Variants in CCDC102B observed in about 807,000 individuals in gnomAD.
CCDC102B encodes coiled-coil domain-containing protein 102B.
In CCDC102B, 75 loss-of-function variants were observed where a neutral mutation model predicts 57.4. The observed-to-expected ratio is 1.31, with a 90% CI of 1.08 to 1.58. The LOEUF is 1.58. Among genes scored for constraint, CCDC102B ranks in the 40% most tolerant of loss-of-function variants. The pLI is 0.00. For synonymous variants in CCDC102B, 206 were observed against 201.9 expected (o/e 1.02, Z -0.17); for missense variants, 636 against 582.6 (o/e 1.09, Z -0.94).
intron 7 of CCDC102B, among the ~76,000 whole-genome samples, chr18:69,038,973 C>T (rs986047614): frequency 6.6e-6 from 1 of 151,898 alleles, no homozygotes; most frequent in Non-Finnish European, 1.5e-5. Context: ...TTCCTTTCAT[C>T]AGTTGCTCTT....
intron 6 of CCDC102B, among the ~76,000 whole-genome samples, chr18:68,968,848 C>T (rs2050227280): frequency 6.6e-6 from 1 of 152,094 alleles, no homozygotes; most frequent in Non-Finnish European, 1.5e-5. Context: ...GAGGTCCATA[C>T]ATGTTCTCCC....
intron 6 of CCDC102B, among the ~76,000 whole-genome samples, chr18:68,972,879 A>G (rs2050337669): frequency 6.6e-6 from 1 of 152,156 alleles, no homozygotes; most frequent in African/African-American, 2.4e-5. Flanking sequence ...TTTAAAGGTT[A>G]TAGATGACTT....
chr18:68,746,499 A>G (rs1284466607), intron 2 of CCDC102B, among the ~76,000 whole-genome samples: 3 of 152,122 alleles, frequency 2.0e-5, no homozygotes. Flanking sequence ...AAAATGACAA[A>G]GTCCCTAGTT....
chr18:68,875,240 A>T (rs1392988649), intron 5 of CCDC102B, among the ~76,000 whole-genome samples: 1 of 152,166 alleles, frequency 6.6e-6, no homozygotes, highest in Non-Finnish European at 1.5e-5. Flanking sequence ...TACACCAAGT[A>T]GTGAAAACAC....
At chr18:68,922,402 T>C (rs943283082) in intron 6 of CCDC102B, among the ~76,000 whole-genome samples, 52 of 152,170 alleles carry the variant, frequency 3.4e-4, no homozygotes, top group African/African-American at 1.2e-3. Flanking sequence ...TGTTGATTTG[T>C]TTAGGCCTCA....
intron 2 of CCDC102B, among the ~76,000 whole-genome samples, chr18:68,771,659 TG>T (rs1311738286): frequency 6.6e-6 from 1 of 152,204 alleles, no homozygotes; most frequent in Admixed American, 6.5e-5. Context: ...CTTGAAATTG[TG>T]CAGACATGTG....
At chr18:68,975,176 C>T (rs993703811) in intron 6 of CCDC102B, among the ~76,000 whole-genome samples, 4 of 151,956 alleles carry the variant, frequency 2.6e-5, no homozygotes, top group Admixed American at 2.6e-4. Flanking sequence ...CCAGCTCTGT[C>T]TATACTTACA....
intron 6 of CCDC102B, among the ~76,000 whole-genome samples, chr18:68,906,291 A>G (rs1206240633): frequency 6.6e-6 from 1 of 152,126 alleles, no homozygotes; most frequent in African/African-American, 2.4e-5. Context: ...TCATGCATGC[A>G]CATGTATTAT....
chr18:68,929,829 TAC>T (rs139334882), intron 6 of CCDC102B, among the ~76,000 whole-genome samples: 3 of 151,008 alleles, frequency 2.0e-5, no homozygotes, highest in East Asian at 3.9e-4. Context: ...ATGTATATAA[TAC>T]ACACACACAC....
chr18:68,748,533 T>G (rs939176401), intron 2 of CCDC102B, among the ~76,000 whole-genome samples: 2 of 152,156 alleles, frequency 1.3e-5, no homozygotes, highest in African/African-American at 4.8e-5. Context: ...TTCAATTCTT[T>G]CATCAGCAGT....
At chr18:68,735,682 G>C (rs2033093883) in intron 2 of CCDC102B, among the ~76,000 whole-genome samples, 2 of 152,138 alleles carry the variant, frequency 1.3e-5, no homozygotes, top group Admixed American at 1.3e-4. Context: ...TGAACTGCTT[G>C]CACTTCTTAC....
chr18:68,734,314 G>C (rs2033029298), intron 2 of CCDC102B, among the ~76,000 whole-genome samples: 1 of 152,084 alleles, frequency 6.6e-6, no homozygotes, highest in African/African-American at 2.4e-5. Context: ...CTGTCTGTAA[G>C]TTTTTTTTAT....
At chr18:68,887,484 G>T (rs1321179131) in intron 5 of CCDC102B, among the ~76,000 whole-genome samples, 1 of 152,190 alleles carries the variant, frequency 6.6e-6, no homozygotes, top group African/African-American at 2.4e-5. Flanking sequence ...CAGTAAAAAG[G>T]TCAGGTGAGC....
chr18:68,968,614 CAA>C (rs2050220755), intron 6 of CCDC102B, among the ~76,000 whole-genome samples: 1 of 152,096 alleles, frequency 6.6e-6, no homozygotes, highest in South Asian at 2.1e-4. Flanking sequence ...TAATTATTAA[CAA>C]GAGGCATTAT....
chr18:68,967,500 A>G (rs766367185), intron 6 of CCDC102B, among the ~76,000 whole-genome samples: 2 of 152,198 alleles, frequency 1.3e-5, no homozygotes, highest in Non-Finnish European at 2.9e-5. Flanking sequence ...GAACGAAGAA[A>G]CAAGTTGAAG....
Position 69,010,967 on chromosome 18 carries a change from C to A in CCDC102B, c.1297C>A (p.Leu433Ile). The change falls in exon 7 of 8, where the codon CTA becomes ATA. Residue 433 changes from leucine to isoleucine, a missense_variant. By Grantham distance (5) the Leu-to-Ile change is conservative (BLOSUM62 2). Coordinates refer to ENST00000360242, the MANE Select transcript of CCDC102B (RefSeq NM_024781.3). Reference protein sequence around the residue: ...LLNLQHAYYKLNRQYQANIAE... With the variant: ...LLNLQHAYYKINRQYQANIAE... ...GAACCTTCAACATGCCTACTATAAA[C>A]TAAACAGACAATACCAGGCAAATAT... 1 of 1,610,084 alleles carries A rather than the reference C, an allele frequency of 6.2e-7. No individual in the cohort carries two copies.
chr18:69,024,706 A>G (rs1194975517), intron 7 of CCDC102B, among the ~76,000 whole-genome samples: 1 of 151,992 alleles, frequency 6.6e-6, no homozygotes, highest in African/African-American at 2.4e-5. Flanking sequence ...GTTCTTTAAA[A>G]ATATATACAA....
At chr18:68,826,797 T>G (rs1159790866) in intron 1 of CCDC102B, among the ~76,000 whole-genome samples, 5 of 152,172 alleles carry the variant, frequency 3.3e-5, no homozygotes, top group Non-Finnish European at 7.4e-5. Context: ...TAATCTCTCT[T>G]TTTATTGGCA....
chr18:69,004,380 T>C (rs1219357469), intron 6 of CCDC102B, among the ~76,000 whole-genome samples: 1 of 152,204 alleles, frequency 6.6e-6, no homozygotes, highest in Non-Finnish European at 1.5e-5. Context: ...CCTTTGGACC[T>C]GTCCCAAGTT....
Sources: allele counts gnomAD v4.1 joint callset (sites outside exome capture counted in the v4.1 genomes callset), GRCh38; gene constraint gnomAD v4.1.1; transcripts MANE v1.5; gene names NCBI Gene and HGNC (gene_info 2026-07-23, HGNC 2026-07-21).